Variants in CPXM2 observed in about 807,000 individuals in gnomAD.
CPXM2 encodes inactive carboxypeptidase-like protein X2.
CPXM2 carries 66 observed loss-of-function variants against 86.1 expected under a neutral mutation model. The ratio of observed to expected loss-of-function variants is 0.77; its 90% CI spans 0.63 to 0.94. The LOEUF is 0.94. Ranked by LOEUF, CPXM2 falls within the 40% of genes least tolerant of loss-of-function variation. CPXM2 has a pLI of 0.00. For synonymous variants in CPXM2, 388 were observed against 400.2 expected, an observed-to-expected ratio of 0.97 and a Z score of 0.36; for missense variants, 948 against 1,026.3, an observed-to-expected ratio of 0.92 and a Z score of 1.04.
chr10:123,790,635 C>G (rs114211918), intron 6 of CPXM2, among the ~76,000 whole-genome samples: 31 of 152,210 alleles, frequency 2.0e-4, no homozygotes, highest in African/African-American at 7.0e-4. Context: ...CTGCAGCCAA[C>G]CAGGGCCAAT....
At chr10:123,755,684 A>G (rs914439717) in intron 12 of CPXM2, among the ~76,000 whole-genome samples, 4 of 152,210 alleles carry the variant, frequency 2.6e-5, no homozygotes, top group African/African-American at 9.6e-5. Flanking sequence ...GACCCTTCCA[A>G]TGACTTGTGT....
intron 2 of CPXM2, chr10:123,913,997 G>A (rs61861939): frequency 0.045 from 21,907 of 489,416 alleles, 682 homozygotes; most frequent in Non-Finnish European, 0.061. Flanking sequence ...ATTGCCAACC[G>A]CATTCCCTCC....
At chr10:123,785,027 A>G (rs1291128822) in intron 6 of CPXM2, among the ~76,000 whole-genome samples, 1 of 152,252 alleles carries the variant, frequency 6.6e-6, no homozygotes, top group Non-Finnish European at 1.5e-5. Context: ...GCGTACACGA[A>G]GTGACCAGTG....
chr10:123,879,178 T>G (rs1287178954), intron 2 of CPXM2, among the ~76,000 whole-genome samples: 1 of 152,248 alleles, frequency 6.6e-6, no homozygotes, highest in African/African-American at 2.4e-5. Context: ...ATTTCTTTGA[T>G]GGCGAGTTCT....
At chr10:123,747,122 G>C in intron 13 of CPXM2, 105 bp from the exon 14 acceptor site, 2 of 1,374,044 alleles carry the variant, frequency 1.5e-6, no homozygotes, top group Non-Finnish European at 2.0e-6. Context: ...AGACTCTCAG[G>C]CTGGCAACGT....
At position 123,762,103 on chromosome 10, in the gene CPXM2, G is replaced by C; in HGVS notation, c.1546C>G (p.Leu516Val). ...EKIPFVLGGN[L>V]QGGELVVAYP... Reference sequence around the variant, plus strand: ...GCCACCACCAGCTCGCCGCCCTGCAGGTTGCCGCCCAGCACAAAAGGGATT... The same window carrying C: ...GCCACCACCAGCTCGCCGCCCTGCACGTTGCCGCCCAGCACAAAAGGGATT... Residue 516 changes from leucine (L) to valine (V), a missense_variant, in exon 11 of 14, where the codon CTG (leucine) becomes GTG (valine). Transcript: ENST00000241305. 2 of 1,614,158 alleles carry C rather than the reference G, an allele frequency of 1.2e-6. No homozygotes were observed. The highest frequency in any genetic ancestry group is 1.7e-6 in the Non-Finnish European group (2 of 1,180,028).
In CPXM2 at chr10:123,931,052, C is replaced by T. The variant is rs548405993; in HGVS notation, n.174+8425G>A. ...ACAACTTGACCACGTGTAACCACAA[C>T]AGAGAGTAAGAACTAATCAGGCTCC... On this transcript the variant is annotated intron_variant and non_coding_transcript_variant, in intron 2 of 19. Transcript: ENST00000368854. Among the ~76,000 whole-genome samples the T allele has an allele frequency of 2.0e-4, 31 of 152,296 alleles. No homozygotes were observed. The South Asian group carries it at 5.6e-3, about 28-fold the overall frequency.
chr10:123,914,840 C>T (rs550302651), intron 2 of CPXM2, among the ~76,000 whole-genome samples: 3 of 152,334 alleles, frequency 2.0e-5, no homozygotes, highest in East Asian at 3.9e-4. Flanking sequence ...TTCTCCCTGA[C>T]AACCTGGATT....
intron 1 of CPXM2, among the ~76,000 whole-genome samples, chr10:123,880,686 A>G (rs1017610956): frequency 2.0e-5 from 3 of 151,878 alleles, no homozygotes; most frequent in Admixed American, 6.6e-5. Context: ...AAAATTAGCC[A>G]GGCATGGTGG....
chr10:123,755,231 G>A (rs749077431), intron 12 of CPXM2, among the ~76,000 whole-genome samples: 4 of 152,220 alleles, frequency 2.6e-5, no homozygotes, highest in Non-Finnish European at 4.4e-5. Context: ...GAGGTGGGTG[G>A]TCTGCCTTGG....
intron 2 of CPXM2, among the ~76,000 whole-genome samples, chr10:123,862,986 A>C (rs572254377): frequency 1.3e-5 from 2 of 152,274 alleles, no homozygotes; most frequent in Non-Finnish European, 2.9e-5. Flanking sequence ...TTCCCAATTA[A>C]GGATCCTTCC....
intron 4 of CPXM2, among the ~76,000 whole-genome samples, chr10:123,837,183 C>G (rs1028799577): frequency 3.3e-5 from 5 of 152,234 alleles, no homozygotes; most frequent in Admixed American, 1.3e-4. Flanking sequence ...CCATTGCCAA[C>G]CAGAAAGCGA....
intron 2 of CPXM2, among the ~76,000 whole-genome samples, chr10:123,928,149 T>G (rs1294467281): frequency 3.9e-5 from 6 of 152,184 alleles, no homozygotes; most frequent in Admixed American, 3.3e-4. Context: ...AGATTCATGC[T>G]TGGAAACTGG....
intron 4 of CPXM2, among the ~76,000 whole-genome samples, chr10:123,801,220 T>G (rs1042792586): frequency 6.6e-6 from 1 of 152,226 alleles, no homozygotes; most frequent in African/African-American, 2.4e-5. Context: ...ATTCTCATGA[T>G]AGTGAATAAG....
At position 123,746,689 on chromosome 10, in the gene CPXM2, G is replaced by A; in HGVS notation, c.*75C>T. The A allele has an allele frequency of 7.3e-7, 1 of 1,363,336 alleles. No individual in the cohort carries two copies. The highest frequency in any genetic ancestry group is 1.0e-6 in the Non-Finnish European group (1 of 974,946). 84.5% of individuals were successfully genotyped at this position (1,363,336 alleles called of 1,614,324 possible). A position where few individuals can be genotyped will look rare whatever the true frequency, so the allele number is the denominator to read the frequency against. Reference sequence around the variant, plus strand: ...AATTACAGAGGAAACAACAGTGAGTGAGTCCACTATGGAGCTACTACCAGG... The same window carrying A: ...AATTACAGAGGAAACAACAGTGAGTAAGTCCACTATGGAGCTACTACCAGG... On this transcript the variant is annotated 3_prime_UTR_variant, in exon 14 of 14. Coordinates refer to ENST00000241305, the MANE Select transcript of CPXM2 (RefSeq NM_198148.3).
At chr10:123,818,519 A>G (rs1244928918) in intron 4 of CPXM2, among the ~76,000 whole-genome samples, 1 of 152,140 alleles carries the variant, frequency 6.6e-6, no homozygotes, top group African/African-American at 2.4e-5. Flanking sequence ...TATTGTGGAT[A>G]TGGGTTTGCC....
chr10:123,782,279 C>T (rs1229378697), intron 6 of CPXM2, among the ~76,000 whole-genome samples: 1 of 152,220 alleles, frequency 6.6e-6, no homozygotes, highest in African/African-American at 2.4e-5. Context: ...TACTCGCAGG[C>T]TATTTTCTAA....
chr10:123,829,718 TGAAAA>T (rs1848124561), intron 4 of CPXM2, among the ~76,000 whole-genome samples: 1 of 152,126 alleles, frequency 6.6e-6, no homozygotes, highest in African/African-American at 2.4e-5. Context: ...AGAAAAAGTC[TGAAAA>T]GATTAATAAG....
intron 3 of CPXM2, among the ~76,000 whole-genome samples, chr10:123,849,437 CTT>C (rs11317738): frequency 9.8e-4 from 108 of 110,148 alleles, no homozygotes; most frequent in Admixed American, 3.7e-3. Flanking sequence ...AACGTTCACT[CTT>C]TTTTTTTTTT....
Sources: allele counts gnomAD v4.1 joint callset (sites outside exome capture counted in the v4.1 genomes callset), GRCh38; gene constraint gnomAD v4.1.1; transcripts MANE v1.5; gene names NCBI Gene and HGNC (gene_info 2026-07-23, HGNC 2026-07-21).